Variants in UTRN observed in about 807,000 individuals in gnomAD.
UTRN encodes the protein dystrophin-related protein 1.
UTRN carries 283 observed loss-of-function variants against 463.9 expected under a neutral mutation model. That is an observed-to-expected ratio of 0.61 (90% CI 0.55 to 0.67). UTRN has a LOEUF of 0.67. UTRN is among the 30% of genes least tolerant of loss of function. UTRN has a pLI of 0.00. For missense variants in UTRN, 3,922 were observed against 4,084.3 expected (o/e 0.96, Z 1.08); for synonymous variants, 1,442 against 1,431.5 (o/e 1.01, Z -0.17).
At chr6:144,527,601 T>G (rs1796676046) in intron 41 of UTRN, among the ~76,000 whole-genome samples, 1 of 152,268 alleles carries the variant, frequency 6.6e-6, no homozygotes, top group Non-Finnish European at 1.5e-5. Flanking sequence ...TAGATACTTT[T>G]GGATTTCTCT....
At position 144,493,475 on chromosome 6, in the gene UTRN, C is replaced by T; in HGVS notation, c.4593+19C>T. 1.2e-6 allele frequency: 2 copies of T among 1,605,236 alleles called. No homozygotes were observed. Among genetic ancestry groups the T allele is most frequent in the Non-Finnish European group, 8.5e-7 (1 of 1,173,594 alleles). ...CGCACAGGTGAGGAGAGCAGCCCCA[C>T]AGCTCATCTCTCTGTCTCTCTCTCT... On this transcript the variant is annotated intron_variant, in intron 33 of 74. Coordinates refer to ENST00000367545, the MANE Select transcript of UTRN (RefSeq NM_007124.3).
intron 2 of UTRN, among the ~76,000 whole-genome samples, chr6:144,326,429 C>T (rs570242513): frequency 2.0e-5 from 3 of 152,024 alleles, no homozygotes; most frequent in Admixed American, 1.3e-4. Context: ...TAGAAATCAT[C>T]TAAATCATCA....
chr6:144,655,089 C>T (rs1231987124), intron 51 of UTRN, among the ~76,000 whole-genome samples: 2 of 152,228 alleles, frequency 1.3e-5, no homozygotes, highest in African/African-American at 4.8e-5. Flanking sequence ...TGGCATTATA[C>T]TGAAGAGACA....
chr6:144,814,760 A>G (rs1270588252), intron 65 of UTRN, among the ~76,000 whole-genome samples: 1 of 152,194 alleles, frequency 6.6e-6, no homozygotes, highest in East Asian at 1.9e-4. Context: ...TTCTAAGACT[A>G]TTGTGTACGT....
At chr6:144,722,627 C>T (rs1394207305) in intron 53 of UTRN, among the ~76,000 whole-genome samples, 1 of 152,096 alleles carries the variant, frequency 6.6e-6, no homozygotes, top group Non-Finnish European at 1.5e-5. Flanking sequence ...AACATAGGAA[C>T]CCTTAGACAT....
chr6:144,821,538 A>C (rs1779606983), intron 66 of UTRN, among the ~76,000 whole-genome samples: 1 of 152,008 alleles, frequency 6.6e-6, no homozygotes, highest in Non-Finnish European at 1.5e-5. Flanking sequence ...TGAAGACAGC[A>C]AACTGAGATA....
At chr6:144,719,331 C>A (rs1397369890) in intron 53 of UTRN, among the ~76,000 whole-genome samples, 1 of 152,122 alleles carries the variant, frequency 6.6e-6, no homozygotes, top group South Asian at 2.1e-4. Context: ...GTGATCATAG[C>A]ACTTTGGGAG....
chr6:144,575,202 A>C (rs1801318731), intron 50 of UTRN, among the ~76,000 whole-genome samples: 1 of 152,196 alleles, frequency 6.6e-6, no homozygotes, highest in Non-Finnish European at 1.5e-5. Flanking sequence ...ATAGGTTTAA[A>C]TCTTTTGCCC....
intron 9 of UTRN, among the ~76,000 whole-genome samples, chr6:144,434,854 G>A (rs1386302389): frequency 6.6e-6 from 1 of 152,180 alleles, no homozygotes; most frequent in African/African-American, 2.4e-5. Flanking sequence ...TGCTACCAAG[G>A]TCTGAAGCAA....
chr6:144,715,577 C>T (rs1181198983), intron 53 of UTRN, among the ~76,000 whole-genome samples: 1 of 152,088 alleles, frequency 6.6e-6, no homozygotes, highest in Middle Eastern at 3.2e-3. Context: ...GCTGAGCTTT[C>T]AGTCACAGTG....
At chr6:144,816,733 C>CTTTTTTTTTTTTT (rs35967778) in intron 65 of UTRN, among the ~76,000 whole-genome samples, 1 of 132,086 alleles carries the variant, frequency 7.6e-6, no homozygotes, top group East Asian at 2.2e-4. Context: ...AGCTTTTTTC[C>CTTTTTTTTTTTTT]TTTTTTTTTT....
At chr6:144,656,140 A>G (rs1779287186) in intron 51 of UTRN, among the ~76,000 whole-genome samples, 1 of 152,124 alleles carries the variant, frequency 6.6e-6, no homozygotes, top group African/African-American at 2.4e-5. Context: ...AGGGATTGGT[A>G]GTGTCAAGCA....
At chr6:144,674,341 T>A (rs903324646) in intron 51 of UTRN, among the ~76,000 whole-genome samples, 15 of 151,762 alleles carry the variant, frequency 9.9e-5, no homozygotes, top group Admixed American at 3.3e-4. Flanking sequence ...GTTTTTTTTT[T>A]AATTATTTTT....
intron 2 of UTRN, among the ~76,000 whole-genome samples, chr6:144,292,189 G>A (rs910102410): frequency 1.3e-5 from 2 of 152,050 alleles, no homozygotes; most frequent in Non-Finnish European, 2.9e-5. Context: ...AATAAAATAC[G>A]ACCGAACATT....
chr6:144,425,266 A>G (rs1785192721), intron 6 of UTRN, among the ~76,000 whole-genome samples: 2 of 152,180 alleles, frequency 1.3e-5, no homozygotes, highest in African/African-American at 4.8e-5. Context: ...GGACGTCACA[A>G]AAGTGACGTG....
At position 144,678,392 on chromosome 6, in the gene UTRN, T is replaced by C. The variant is rs775121683; in HGVS notation, c.7480-14T>C. 13 of 1,606,356 alleles carry C rather than the reference T, an allele frequency of 8.1e-6. No individual in the cohort carries two copies. Among genetic ancestry groups the C allele is most frequent in the Non-Finnish European group, 1.1e-5 (13 of 1,175,326 alleles). ...CCTAACACTTGCATTATCTATTTGC[T>C]TTTTTCTGTTTAGGACATCCAGGCA... On this transcript the variant is annotated splice_polypyrimidine_tract_variant and intron_variant, in intron 51 of 74. Coordinates refer to ENST00000367545, the MANE Select transcript of UTRN (RefSeq NM_007124.3).
At chr6:144,311,922 T>G (rs927033110) in intron 2 of UTRN, 13 of 152,160 alleles carry the variant, frequency 8.5e-5, no homozygotes, top group African/African-American at 3.1e-4. Flanking sequence ...AGAAAAATCC[T>G]GCAGGATTTA....
At chr6:144,628,082 A>T (rs1776137283) in intron 51 of UTRN, among the ~76,000 whole-genome samples, 1 of 152,150 alleles carries the variant, frequency 6.6e-6, no homozygotes, top group Admixed American at 6.5e-5. Flanking sequence ...TACAGGCGTG[A>T]GTCACCTTGC....
At chr6:144,713,529 G>C (rs997049564) in intron 53 of UTRN, among the ~76,000 whole-genome samples, 1 of 151,536 alleles carries the variant, frequency 6.6e-6, no homozygotes, top group East Asian at 1.9e-4. Flanking sequence ...CAGGAGAATC[G>C]CTTGAACCTG....
Sources: allele counts gnomAD v4.1 joint callset (sites outside exome capture counted in the v4.1 genomes callset), GRCh38; gene constraint gnomAD v4.1.1; transcripts MANE v1.5; gene names NCBI Gene and HGNC (gene_info 2026-07-23, HGNC 2026-07-21).